The following CHRM3 variants were observed in gnomAD, a reference collection of about 807,000 sequenced individuals.
CHRM3 encodes the protein muscarinic acetylcholine receptor M3.
Under a neutral mutation model 41.8 loss-of-function variants are expected in CHRM3, and 11 were observed. That is an observed-to-expected ratio of 0.26 (90% confidence interval 0.17 to 0.44). The LOEUF (loss-of-function observed/expected upper bound fraction) is 0.44. Ranked by LOEUF, CHRM3 falls within the 20% of genes least tolerant of loss-of-function variation. The pLI is 1.00. For synonymous variants in CHRM3, 297 were observed against 301.4 expected (o/e 0.99, Z 0.15); for missense variants, 571 against 745.4 (o/e 0.77, Z 2.72).
chr1:239,417,700 T>C (rs951734240), intron 1 of CHRM3, among the ~76,000 whole-genome samples: 1 of 152,072 alleles, frequency 6.6e-6, no homozygotes. Flanking sequence ...TCAAGTATTC[T>C]TAATTTAAAA....
intron 6 of CHRM3, among the ~76,000 whole-genome samples, chr1:239,881,269 T>C (rs6698893): frequency 0.11 from 9,390 of 87,144 alleles, 434 homozygotes; most frequent in Middle Eastern, 0.21. Context: ...GGCGACAGAG[T>C]GAGACTCCGT....
chr1:239,682,307 G>A (rs1426825434), intron 5 of CHRM3, among the ~76,000 whole-genome samples: 1 of 152,186 alleles, frequency 6.6e-6, no homozygotes, highest in Non-Finnish European at 1.5e-5. Context: ...TTCTTTGAAA[G>A]GATTCAGGCA....
At chr1:239,628,526 C>G (rs1160510971) in intron 3 of CHRM3, among the ~76,000 whole-genome samples, 8 of 66,048 alleles carry the variant, frequency 1.2e-4, no homozygotes, top group Non-Finnish European at 1.5e-4. Flanking sequence ...CTCCATCCAG[C>G]TTTGTTCCGT....
Position 239,758,740 on chromosome 1 carries a change from T to A in CHRM3, c.-146-68512T>A, listed in dbSNP as rs891273443. On this transcript the variant is annotated intron_variant, in intron 5 of 6. Transcript: ENST00000676153. ...TTTTTATTTTATAGTTCTAAGATAT[T>A]TTTCCCCCTTAGAAAAACTCTTTGT... 6.6e-5 allele frequency among the ~76,000 whole-genome samples: 10 copies of A among 152,348 alleles called. No homozygotes were observed. In the South Asian group the frequency reaches 2.1e-3, roughly 32 times the overall value.
rs1341279143 is a variant in CHRM3, at chr1:239,778,573, G to A, written c.-146-48679G>A. ...AAATTTAACAGTCCCTCCTGACCTG[G>A]ATCATTCCCATTGCCTTTCTCTGGC... On this transcript the variant is annotated intron_variant, in intron 5 of 6. Coordinates refer to ENST00000676153, the MANE Select transcript of CHRM3 (RefSeq NM_001375978.1). Among the ~76,000 whole-genome samples the A allele has an allele frequency of 4.6e-5, 7 of 152,100 alleles. No individual in the cohort carries two copies. In the East Asian group the frequency reaches 1.4e-3, roughly 29 times the overall value.
At chr1:239,677,534 G>A (rs1315724754) in intron 4 of CHRM3, among the ~76,000 whole-genome samples, 2 of 152,164 alleles carry the variant, frequency 1.3e-5, no homozygotes, top group African/African-American at 2.4e-5. Flanking sequence ...CAAGGCACCG[G>A]TATCTGGCCT....
chr1:239,843,975 T>C (rs1442455611), intron 6 of CHRM3, among the ~76,000 whole-genome samples: 2 of 152,160 alleles, frequency 1.3e-5, no homozygotes, highest in Non-Finnish European at 2.9e-5. Flanking sequence ...TACACACACG[T>C]TATATATACA....
chr1:239,596,154 T>G (rs183032988), intron 3 of CHRM3, among the ~76,000 whole-genome samples: 181 of 152,310 alleles, frequency 1.2e-3, no homozygotes, highest in Non-Finnish European at 1.9e-3. Context: ...AGATAACCTC[T>G]CTAAGGCTGC....
intron 1 of CHRM3, among the ~76,000 whole-genome samples, chr1:239,420,841 C>T (rs1236324926): frequency 6.6e-6 from 1 of 151,742 alleles, no homozygotes; most frequent in Non-Finnish European, 1.5e-5. Context: ...ATAAATATAC[C>T]ATAATATTAA....
Position 239,910,463 on chromosome 1 carries a change from C to G in CHRM3, c.*1239C>G, listed in dbSNP as rs890098838. The G allele has an allele frequency of 1.9e-4, 32 of 166,632 alleles. No homozygotes were observed. Among genetic ancestry groups the G allele is most frequent in the Admixed American group, 1.7e-3 (26 of 15,244 alleles). The allele number at this position is 166,632 out of a possible 1,614,324, so 10.3% of individuals were successfully genotyped here. ...GTTAATCAGCTGTGGCCAGTGCTTTCTGGTGTTCATTGTGTAACCTTCACC... is the reference window on the plus strand; with the variant it reads ...GTTAATCAGCTGTGGCCAGTGCTTTGTGGTGTTCATTGTGTAACCTTCACC... On this transcript the variant is annotated 3_prime_UTR_variant, in exon 7 of 7. Transcript: ENST00000676153.
At chr1:239,665,224 T>G (rs373668078) in intron 4 of CHRM3, among the ~76,000 whole-genome samples, 3 of 151,658 alleles carry the variant, frequency 2.0e-5, no homozygotes, top group Admixed American at 2.0e-4. Context: ...CTTTAACTCA[T>G]TCAAAAAGAC....
chr1:239,530,205 A>G (rs1670304421), intron 2 of CHRM3, among the ~76,000 whole-genome samples: 1 of 152,062 alleles, frequency 6.6e-6, no homozygotes, highest in Non-Finnish European at 1.5e-5. Context: ...GCCCGGCCCA[A>G]ATTATTTTTT....
chr1:239,467,946 C>T (rs1665853909), intron 1 of CHRM3, among the ~76,000 whole-genome samples: 1 of 151,676 alleles, frequency 6.6e-6, no homozygotes, highest in Non-Finnish European at 1.5e-5. Context: ...AAAATGTAAT[C>T]ATTTGTCTTC....
intron 2 of CHRM3, among the ~76,000 whole-genome samples, chr1:239,516,285 T>A (rs1261353097): frequency 1.3e-5 from 2 of 152,200 alleles, no homozygotes; most frequent in African/African-American, 4.8e-5. Flanking sequence ...TTAAGAAATT[T>A]GCAAAGAGTT....
rs562568505 is a variant in CHRM3 at position 239,673,909 on chromosome 1, C to G, written c.-249-4277C>G. 2.0e-5 allele frequency among the ~76,000 whole-genome samples: 3 copies of G among 152,260 alleles called. No homozygotes were observed. The South Asian group carries it at 6.2e-4, about 32-fold the overall frequency. ...ATCAGCAACCCTAATCTAAAACACT[C>G]CAAATCTAAAACACTCCAAAATCTA... On this transcript the variant is annotated intron_variant, in intron 4 of 6. Coordinates refer to ENST00000676153, the MANE Select transcript of CHRM3 (RefSeq NM_001375978.1).
At chr1:239,524,880 T>G (rs1464424205) in intron 2 of CHRM3, among the ~76,000 whole-genome samples, 3 of 152,164 alleles carry the variant, frequency 2.0e-5, no homozygotes, top group African/African-American at 7.2e-5. Flanking sequence ...ATATTCTATT[T>G]TAATACTTGG....
intron 2 of CHRM3, among the ~76,000 whole-genome samples, chr1:239,506,834 G>A (rs551794573): frequency 8.5e-5 from 13 of 152,292 alleles, no homozygotes; most frequent in Non-Finnish European, 1.5e-4. Context: ...AAGACCATGG[G>A]AACCCACCTC....
intron 6 of CHRM3, among the ~76,000 whole-genome samples, chr1:239,877,091 TGAAACCCA>T (rs1677167534): frequency 6.6e-6 from 1 of 152,204 alleles, no homozygotes; most frequent in South Asian, 2.1e-4. Context: ...TCTCTTTTTC[TGAAACCCA>T]GACATACACA....
intron 5 of CHRM3, among the ~76,000 whole-genome samples, chr1:239,735,589 A>G (rs1664328611): frequency 6.6e-6 from 1 of 152,176 alleles, no homozygotes; most frequent in Non-Finnish European, 1.5e-5. Context: ...TAAAAACAAC[A>G]AATAATAAAC....
Sources: allele counts gnomAD v4.1 joint callset (sites outside exome capture counted in the v4.1 genomes callset), GRCh38; gene constraint gnomAD v4.1.1; transcripts MANE v1.5; gene names NCBI Gene and HGNC (gene_info 2026-07-23, HGNC 2026-07-21).